Variants in PTGIS observed in about 807,000 individuals in gnomAD.
The protein encoded by PTGIS is prostacyclin synthase.
In PTGIS, 45 loss-of-function variants were observed where a neutral mutation model predicts 50.3. The ratio of observed to expected loss-of-function variants is 0.90; its 90% CI spans 0.70 to 1.15. The LOEUF (loss-of-function observed/expected upper bound fraction) is 1.15. Among genes scored for constraint, PTGIS ranks in the 50% most tolerant of loss-of-function variants. The pLI is 0.00. For synonymous variants in PTGIS, 260 were observed against 267.7 expected (o/e 0.97, Z 0.28); for missense variants, 668 against 661.3 (o/e 1.01, Z -0.11).
chr20:49,567,214 T>TA (rs1184031975), intron 1 of PTGIS, among the ~76,000 whole-genome samples: 1 of 152,212 alleles, frequency 6.6e-6, no homozygotes. Flanking sequence ...CAAGTTAACT[T>TA]AAAAAATATT....
chr20:49,562,507 G>A (rs1189894194), intron 1 of PTGIS, among the ~76,000 whole-genome samples: 1 of 152,250 alleles, frequency 6.6e-6, no homozygotes, highest in Non-Finnish European at 1.5e-5. Context: ...GACTCAGCCT[G>A]CAGCCAGCGG....
chr20:49,538,256 G>GA (rs58986753), intron 5 of PTGIS, among the ~76,000 whole-genome samples: 1,275 of 30,260 alleles, frequency 0.042, 269 homozygotes, highest in African/African-American at 0.059. Context: ...CCCTGGTTCA[G>GA]AAAAAAAAAA....
At chr20:49,536,680 G>T (rs932870418) in intron 5 of PTGIS, among the ~76,000 whole-genome samples, 1 of 151,674 alleles carries the variant, frequency 6.6e-6, no homozygotes, top group Non-Finnish European at 1.5e-5. Flanking sequence ...ACAGGGTTCC[G>T]CCATGTTGTC....
At chr20:49,566,478 C>T (rs958415344) in intron 1 of PTGIS, among the ~76,000 whole-genome samples, 1 of 152,212 alleles carries the variant, frequency 6.6e-6, no homozygotes, top group Non-Finnish European at 1.5e-5. Flanking sequence ...GACATTTATT[C>T]ACTGTCTTTT....
chr20:49,558,713 ATTTTT>A (rs33976646), intron 1 of PTGIS, among the ~76,000 whole-genome samples: 1 of 143,978 alleles, frequency 6.9e-6, no homozygotes, highest in Admixed American at 6.9e-5. Flanking sequence ...AAGTTAGACA[ATTTTT>A]TTTTTTTTTT....
At chr20:49,549,952 G>T in intron 2 of PTGIS, 114 bp downstream of exon 2, 2 of 1,552,000 alleles carry the variant, frequency 1.3e-6, no homozygotes, top group Non-Finnish European at 8.8e-7. Flanking sequence ...GATGGATGTT[G>T]GATGGTGGGG....
chr20:49,546,959 T>A (rs1982375739), intron 3 of PTGIS, among the ~76,000 whole-genome samples: 1 of 152,234 alleles, frequency 6.6e-6, no homozygotes, highest in Non-Finnish European at 1.5e-5. Context: ...TGGCTGGGCA[T>A]GGTGGCTCAT....
chr20:49,531,906 A>G (rs1010380219), intron 5 of PTGIS, among the ~76,000 whole-genome samples: 10 of 152,218 alleles, frequency 6.6e-5, no homozygotes, highest in Admixed American at 3.3e-4. Flanking sequence ...GCTGGATTAC[A>G]GGTGTGAGCC....
At chr20:49,534,339 C>G (rs1291528371) in intron 5 of PTGIS, among the ~76,000 whole-genome samples, 6 of 152,198 alleles carry the variant, frequency 3.9e-5, no homozygotes, top group African/African-American at 7.2e-5. Context: ...GCTTCAAGCA[C>G]CCCACAGCAA....
chr20:49,521,225 G>T (rs1280559859), intron 6 of PTGIS, among the ~76,000 whole-genome samples: 1 of 152,198 alleles, frequency 6.6e-6, no homozygotes, highest in Non-Finnish European at 1.5e-5. Context: ...TTACAGATGA[G>T]TAAACCGAGG....
Position 49,547,981 on chromosome 20 carries a change from G to C in PTGIS, c.237C>G (p.Asp79Glu). Residue 79 changes from aspartate (D) to glutamate (E), a missense_variant, in exon 3 of 10, where the codon GAC becomes GAG. By Grantham distance (45) the Asp-to-Glu change is conservative. Transcript: ENST00000244043. ...VGGRYVTVLLDPHSYDAVVWE... is the reference protein window; with the variant it reads ...VGGRYVTVLLEPHSYDAVVWE... ...ACACCACCGCGTCGTAGGAGTGTGG[G>C]TCCAGGAGAACGGTGACATACCTGC... The C allele has an allele frequency of 6.2e-7, 1 of 1,614,118 alleles. No homozygotes were observed. Among genetic ancestry groups the C allele is most frequent in the Non-Finnish European group, 8.5e-7 (1 of 1,180,022 alleles).
intron 5 of PTGIS, among the ~76,000 whole-genome samples, chr20:49,537,963 C>T (rs1982123375): frequency 6.6e-6 from 1 of 151,910 alleles, no homozygotes; most frequent in Admixed American, 6.6e-5. Flanking sequence ...ATAAAAAGAA[C>T]AAGCTGTTGG....
chr20:49,540,451 G>A lies in PTGIS; in HGVS notation c.522-730C>T, dbSNP rs1714201113. On this transcript the variant is annotated intron_variant, in intron 4 of 9. Coordinates refer to ENST00000244043, the MANE Select transcript of PTGIS (RefSeq NM_000961.4). This position sits in a 1 kb window ranked among gnomAD's most constrained non-coding sequence, Gnocchi z 4.8. ...GAGGTGCCAGCTGTGGCTGGTGCAG[G>A]CACTGGAGCCGGGGTGTGAGGCAGA... Among the ~76,000 whole-genome samples the A allele has an allele frequency of 6.6e-6, 1 of 151,982 alleles. No homozygotes were observed. Among genetic ancestry groups the A allele is most frequent in the South Asian group, 2.1e-4 (1 of 4,808 alleles).
At chr20:49,558,505 G>C (rs1982677946) in intron 1 of PTGIS, among the ~76,000 whole-genome samples, 1 of 152,186 alleles carries the variant, frequency 6.6e-6, no homozygotes. Flanking sequence ...CAGTCTGGCA[G>C]TTCCTCAAAA....
At chr20:49,548,547 GATGGATGGATGGATGAAAGA>G (rs1166002316) in intron 2 of PTGIS, among the ~76,000 whole-genome samples, 1 of 151,834 alleles carries the variant, frequency 6.6e-6, no homozygotes, top group Non-Finnish European at 1.5e-5. Flanking sequence ...TGGATGGGTG[GATGGATGGATGGATGAAAGA>G]ATGGATGGAT....
At chr20:49,567,420 CA>C (rs2122916202) in intron 1 of PTGIS, among the ~76,000 whole-genome samples, 1 of 152,284 alleles carries the variant, frequency 6.6e-6, no homozygotes, top group East Asian at 1.9e-4. Flanking sequence ...TTCTCCCTGG[CA>C]AATGAAATTA....
chr20:49,551,077 C>T (rs1982494860), intron 1 of PTGIS, among the ~76,000 whole-genome samples: 1 of 152,112 alleles, frequency 6.6e-6, no homozygotes, highest in African/African-American at 2.4e-5. Flanking sequence ...GGTCGTGGTG[C>T]ATGCCTGTAG....
chr20:49,537,653 G>A (rs1601192900), intron 5 of PTGIS, among the ~76,000 whole-genome samples: 1 of 152,178 alleles, frequency 6.6e-6, no homozygotes, highest in Non-Finnish European at 1.5e-5. Context: ...TACTCAGGAG[G>A]CTGAGGCAGG....
Position 49,524,989 on chromosome 20 carries a change from A to C in PTGIS, c.674-750T>G, listed in dbSNP as rs565601276. On this transcript the variant is annotated intron_variant, in intron 5 of 9. Transcript: ENST00000244043. ...GGAGAAGGAACACTAAACACTGAGC[A>C]GCATTCTCCCTCCCCAGGGTCCAAC... Among the ~76,000 whole-genome samples, 14 of 152,358 alleles carry C rather than the reference A, an allele frequency of 9.2e-5. No individual in the cohort carries two copies. In the South Asian group the frequency reaches 2.7e-3, roughly 29 times the overall value.
Sources: allele counts gnomAD v4.1 joint callset (sites outside exome capture counted in the v4.1 genomes callset), GRCh38; gene constraint gnomAD v4.1.1; non-coding constraint Gnocchi (gnomAD v3.1); transcripts MANE v1.5; gene names NCBI Gene and HGNC (gene_info 2026-07-23, HGNC 2026-07-21).